Variants in CHIC1 observed in about 807,000 individuals in gnomAD.
CHIC1 encodes cysteine-rich hydrophobic domain-containing protein 1.
In CHIC1, 7 loss-of-function variants were observed where a neutral mutation model predicts 18.5. That is an observed-to-expected ratio of 0.38 (90% CI 0.22 to 0.71). The LOEUF is 0.71. Among genes scored for constraint, CHIC1 ranks in the 30% least tolerant of loss-of-function variants. The probability of loss-of-function intolerance (pLI) is 0.49; values close to 1 mark genes in which losing one functional copy is unlikely to be tolerated. For missense variants in CHIC1, 159 were observed against 176.9 expected, an observed-to-expected ratio of 0.90 and a Z score of 0.57; for synonymous variants, 77 against 73.5, an observed-to-expected ratio of 1.05 and a Z score of -0.25.
At chrX:73,640,739 T>C (rs911198562) in intron 3 of CHIC1, among the ~76,000 whole-genome samples, 1 of 111,867 alleles carries the variant, frequency 8.9e-6, no homozygotes, top group Admixed American at 9.5e-5. Context: ...TTGGATCTCT[T>C]TTTTTCTTTA....
At chrX:73,634,064 T>G (rs1274216145) in intron 3 of CHIC1, among the ~76,000 whole-genome samples, 2 of 112,210 alleles carry the variant, frequency 1.8e-5, no homozygotes, top group Non-Finnish European at 3.8e-5. Flanking sequence ...TGGAACTTTA[T>G]TTTATTATTT....
chrX:73,578,280 T>C (rs2057509926), intron 2 of CHIC1, among the ~76,000 whole-genome samples: 1 of 110,933 alleles, frequency 9.0e-6, no homozygotes, highest in South Asian at 3.7e-4. Flanking sequence ...GTGAACTTTC[T>C]GTGCCCAAAG....
chrX:73,581,417 C>A (rs1008654412), intron 2 of CHIC1, among the ~76,000 whole-genome samples: 9 of 111,024 alleles, frequency 8.1e-5, no homozygotes, highest in African/African-American at 2.9e-4. Flanking sequence ...GTCTAACCTT[C>A]ATTGCTAGAG....
chrX:73,585,040 G>A (rs1224743885), intron 3 of CHIC1, among the ~76,000 whole-genome samples: 3 of 111,588 alleles, frequency 2.7e-5, no homozygotes, highest in Non-Finnish European at 3.8e-5. Context: ...TAAGAGTACT[G>A]TCTTAATCTT....
intron 3 of CHIC1, among the ~76,000 whole-genome samples, chrX:73,624,734 C>G (rs2057775877): frequency 8.9e-6 from 1 of 112,003 alleles, no homozygotes; most frequent in Non-Finnish European, 1.9e-5. Flanking sequence ...GAAACTTCAT[C>G]CAGTTTTTTT....
At chrX:73,620,008 T>C (rs1293913103) in intron 3 of CHIC1, among the ~76,000 whole-genome samples, 1 of 111,775 alleles carries the variant, frequency 8.9e-6, no homozygotes, top group Non-Finnish European at 1.9e-5. Context: ...GTTTCCAGTT[T>C]CATCCATGTC....
intron 3 of CHIC1, among the ~76,000 whole-genome samples, chrX:73,672,682 TA>T (rs2058038152): frequency 8.9e-6 from 1 of 112,156 alleles, no homozygotes; most frequent in African/African-American, 3.2e-5. Context: ...GTCAGATGAG[TA>T]GGTTGCAAAA....
At chrX:73,673,381 C>T (rs376365895) in intron 3 of CHIC1, among the ~76,000 whole-genome samples, 1 of 111,837 alleles carries the variant, frequency 8.9e-6, no homozygotes, top group Admixed American at 9.5e-5. Context: ...TACCCATGAG[C>T]ATGGAATGTT....
intron 3 of CHIC1, among the ~76,000 whole-genome samples, chrX:73,608,414 AT>A (rs1445450695): frequency 9.4e-6 from 1 of 106,925 alleles, no homozygotes; most frequent in Non-Finnish European, 1.9e-5. Flanking sequence ...GAATTTTAGG[AT>A]TTTTTTTATT....
intron 3 of CHIC1, among the ~76,000 whole-genome samples, chrX:73,652,358 A>G (rs1603348661): frequency 8.9e-6 from 1 of 112,232 alleles, no homozygotes; most frequent in East Asian, 2.8e-4. Flanking sequence ...ACCAAAAGCA[A>G]TTGCAACAAA....
At chrX:73,659,330 C>T (rs1359521037) in intron 3 of CHIC1, among the ~76,000 whole-genome samples, 1 of 107,045 alleles carries the variant, frequency 9.3e-6, no homozygotes, top group Non-Finnish European at 1.9e-5. Context: ...CCTATAATTT[C>T]TCCCACCACC....
intron 3 of CHIC1, among the ~76,000 whole-genome samples, chrX:73,616,129 C>T (rs1480480387): frequency 9.0e-6 from 1 of 110,683 alleles, no homozygotes; most frequent in Non-Finnish European, 1.9e-5. Context: ...TCTCAGTGTG[C>T]ACCTTACTGT....
At chrX:73,677,688 G>A (rs1193994495) in intron 3 of CHIC1, among the ~76,000 whole-genome samples, 3 of 112,378 alleles carry the variant, frequency 2.7e-5, no homozygotes, top group Non-Finnish European at 1.9e-5. Context: ...TGTGCTTCCC[G>A]AGTGAGGTGA....
At chrX:73,628,862 C>T (rs2057795151) in intron 3 of CHIC1, among the ~76,000 whole-genome samples, 1 of 111,016 alleles carries the variant, frequency 9.0e-6, no homozygotes, top group South Asian at 3.9e-4. Context: ...TTCTATTGTG[C>T]CATTTTTCTC....
intron 3 of CHIC1, among the ~76,000 whole-genome samples, chrX:73,620,185 G>A (rs1603344340): frequency 8.9e-6 from 1 of 112,013 alleles, no homozygotes; most frequent in African/African-American, 3.2e-5. Context: ...TGTGTCTTTA[G>A]AGTAGAATGA....
intron 3 of CHIC1, among the ~76,000 whole-genome samples, chrX:73,632,011 T>A (rs1458477746): frequency 8.9e-6 from 1 of 112,239 alleles, no homozygotes; most frequent in Non-Finnish European, 1.9e-5. Context: ...ATTCTGCTGT[T>A]GTTGGATGGA....
intron 3 of CHIC1, among the ~76,000 whole-genome samples, chrX:73,651,881 A>G (rs868848841): frequency 8.9e-6 from 1 of 112,252 alleles, no homozygotes; most frequent in African/African-American, 3.2e-5. Context: ...AGAATTAGAA[A>G]AAACTACTTT....
chrX:73,611,072 C>A lies in CHIC1; in HGVS notation c.507+26500C>A, dbSNP rs1267906283. 7.5e-5 allele frequency among the ~76,000 whole-genome samples: 8 copies of A among 106,183 alleles called. 1 individual carries two copies. The highest frequency in any genetic ancestry group is 3.0e-4 in the Admixed American group (3 of 10,066). 92.2% of individuals were successfully genotyped at this position (106,183 alleles called of 115,157 possible). A position where few individuals can be genotyped will look rare whatever the true frequency, so the allele number is the denominator to read the frequency against. Reference sequence around the variant, plus strand: ...TTTAGGGTACATGTGCACAACGTGCCGGTTAGTTACATATGTACACATGTG... The same window carrying A: ...TTTAGGGTACATGTGCACAACGTGCAGGTTAGTTACATATGTACACATGTG... On this transcript the variant is annotated intron_variant, in intron 3 of 5. Transcript: ENST00000373502.
chrX:73,597,208 G>T (rs1042561015), intron 3 of CHIC1, among the ~76,000 whole-genome samples: 1 of 111,754 alleles, frequency 8.9e-6, no homozygotes, highest in African/African-American at 3.2e-5. Context: ...GTGTCTCATT[G>T]TGATTTCGAC....
Sources: allele counts gnomAD v4.1 joint callset (sites outside exome capture counted in the v4.1 genomes callset), GRCh38; gene constraint gnomAD v4.1.1; transcripts MANE v1.5; gene names NCBI Gene and HGNC (gene_info 2026-07-23, HGNC 2026-07-21).